TUBB3: variants seen among roughly 807,000 people sequenced by gnomAD.
The protein encoded by TUBB3 is tubulin beta-3 chain.
TUBB3 carries 17 observed loss-of-function variants against 37.8 expected under a neutral mutation model. The observed-to-expected ratio is 0.45, with a 90% CI of 0.31 to 0.67. The LOEUF (loss-of-function observed/expected upper bound fraction) is 0.67, where lower values mean the gene tolerates loss of function less well. Ranked by LOEUF, TUBB3 falls within the 30% of genes least tolerant of loss-of-function variation. The pLI, the probability that TUBB3 is intolerant of heterozygous loss-of-function variation, is 0.07. For missense variants in TUBB3, 262 were observed against 657.9 expected, an observed-to-expected ratio of 0.40 and a Z score of 6.58; for synonymous variants, 332 against 278.9, an observed-to-expected ratio of 1.19 and a Z score of -1.90.
intron 1 of TUBB3, among the ~76,000 whole-genome samples, chr16:89,928,415 G>A (rs1346038594): frequency 6.7e-6 from 1 of 149,068 alleles, no homozygotes; most frequent in Non-Finnish European, 1.5e-5. Flanking sequence ...CTGGAGTGCA[G>A]TGGAGTGATC....
Position 89,935,905 on chromosome 16 carries a change from C to G in TUBB3, c.*101C>G. On this transcript the variant is annotated 3_prime_UTR_variant, in exon 4 of 4. Coordinates refer to ENST00000315491, the MANE Select transcript of TUBB3 (RefSeq NM_006086.4). ...CTTGCTGCCGACACCCTGCTTTCCC[C>G]TCGCCCTAGGGCTCCCTTGCCGCCC... 1.4e-6 allele frequency: 2 copies of G among 1,446,908 alleles called. No homozygotes were observed. The highest frequency in any genetic ancestry group is 1.9e-6 in the Non-Finnish European group (2 of 1,074,450). 89.6% of individuals were successfully genotyped at this position (1,446,908 alleles called of 1,614,324 possible).
Position 89,934,281 on chromosome 16 carries a change from G to A in TUBB3, c.278-448G>A, listed in dbSNP as rs141719075. ...TGTCCTGGGGCGGGGCCGTGGACGC[G>A]CCACAGAAACAGGAGGGCCTCGCTT... On this transcript the variant is annotated intron_variant, in intron 3 of 3. Transcript: ENST00000315491. The A allele has an allele frequency of 6.9e-4, 322 of 467,802 alleles. 2 individuals are homozygous for A. Among genetic ancestry groups the A allele is most frequent in the Middle Eastern group, 1.6e-3 (3 of 1,862 alleles). 29.0% of individuals were successfully genotyped at this position (467,802 alleles called of 1,614,324 possible).
chr16:89,928,093 C>T (rs1597420631), intron 1 of TUBB3, among the ~76,000 whole-genome samples: 1 of 152,100 alleles, frequency 6.6e-6, no homozygotes. Context: ...GAGACAGGCT[C>T]TTACTCTGTC....
At chr16:89,923,127 C>T (rs1597417722), upstream of TUBB3, among the ~76,000 whole-genome samples, 1 of 152,038 alleles carries the variant, frequency 6.6e-6, no homozygotes, top group African/African-American at 2.4e-5. Context: ...TTCGAATGCG[C>T]GGGGCCCTCA....
chr16:89,926,957 T>C lies in TUBB3; in HGVS notation c.57+3499T>C, dbSNP rs530380936. 1.3e-4 allele frequency among the ~76,000 whole-genome samples: 19 copies of C among 150,316 alleles called. No homozygotes were observed. In the South Asian group the frequency reaches 3.2e-3, roughly 25 times the overall value. On this transcript the variant is annotated intron_variant, in intron 1 of 3. Coordinates refer to ENST00000315491, the MANE Select transcript of TUBB3 (RefSeq NM_006086.4). ...GTCTCAAACTCCTGACCTCAGGTGA[T>C]TCACCTGCCTCAGCCTCCCAAAGTG...
chr16:89,928,807 C>T lies in TUBB3; in HGVS notation c.58-3764C>T, dbSNP rs557612045. 6.6e-4 allele frequency among the ~76,000 whole-genome samples: 100 copies of T among 151,870 alleles called. 5 individuals are homozygous for T. The South Asian group carries it at 0.02, about 30-fold the overall frequency. On this transcript the variant is annotated intron_variant, in intron 1 of 3. Coordinates refer to ENST00000315491, the MANE Select transcript of TUBB3 (RefSeq NM_006086.4). Reference sequence around the variant, plus strand: ...CCAAAGTGCTAGGACCACAGACAGGCGTGAGCCACTGCGTCTGGCCTAATT... The same window carrying T: ...CCAAAGTGCTAGGACCACAGACAGGTGTGAGCCACTGCGTCTGGCCTAATT...
chr16:89,934,487 C>A, intron 3 of TUBB3: 1 of 634,750 alleles, frequency 1.6e-6, no homozygotes, highest in Non-Finnish European at 2.9e-6. Flanking sequence ...GGCAGAGCCT[C>A]GCTCTGCTGT....
At chr16:89,934,628 T>C (rs1031665504) in intron 3 of TUBB3, 101 bp from the exon 4 acceptor site, 2 of 1,171,734 alleles carry the variant, frequency 1.7e-6, no homozygotes, top group Admixed American at 2.0e-5. Flanking sequence ...AGAACAGGCA[T>C]GGGGCTGCCA....
intron 1 of TUBB3, 34 bp downstream of exon 1, chr16:89,923,492 CG>C: frequency 4.2e-6 from 6 of 1,411,886 alleles, no homozygotes; most frequent in East Asian, 3.2e-5. Flanking sequence ...TCCCGGGCCC[CG>C]GGGCGGGAGG....
rs750839965 is a variant in TUBB3, at chr16:89,935,063, C to T, written c.612C>T (p.Asn204=). Residue 204 remains asparagine (N), a synonymous_variant, in exon 4 of 4, where the codon AAC becomes AAT. Coordinates refer to ENST00000315491, the MANE Select transcript of TUBB3 (RefSeq NM_006086.4). ...CGGATGAGACCTACTGCATCGACAA[C>T]GAGGCGCTCTACGACATCTGCTTCC... ...ENTDETYCID[N]EALYDICFRT... The T allele has an allele frequency of 3.1e-6, 5 of 1,614,208 alleles. No individual in the cohort carries two copies. Among genetic ancestry groups the T allele is most frequent in the South Asian group, 2.2e-5 (2 of 91,092 alleles).
rs963109878 is a variant in TUBB3 at position 89,926,557 on chromosome 16, C to G, written c.57+3099C>G. On this transcript the variant is annotated intron_variant, in intron 1 of 3. Transcript: ENST00000315491. ...AGCGCCTGGCCTCGAACGCCGGGTT[C>G]TGCTTTGTGTTTCCAGGTTTTTGTT... Among the ~76,000 whole-genome samples the G allele has an allele frequency of 2.0e-5, 3 of 152,356 alleles. No homozygotes were observed. In the East Asian group the frequency reaches 5.8e-4, roughly 29 times the overall value.
intron 1 of TUBB3, among the ~76,000 whole-genome samples, chr16:89,928,961 C>CT (rs35314343): frequency 0.11 from 14,367 of 135,892 alleles, 952 homozygotes; most frequent in Middle Eastern, 0.25. Flanking sequence ...CGCGCCCGGC[C>CT]TTTTTTTTTT....
intron 3 of TUBB3, 174 bp from the exon 4 acceptor site, chr16:89,934,555 G>A (rs1051737924): frequency 1.7e-5 from 12 of 686,284 alleles, no homozygotes; most frequent in Admixed American, 6.9e-5. Flanking sequence ...CAGCAGCATC[G>A]GCTCAGGGAA....
Position 89,923,413 on chromosome 16 carries a change from C to T in TUBB3, c.12C>T (p.Ile4=), listed in dbSNP as rs2029957078. ...CAGACGCGCCCAGTATGAGGGAGAT[C>T]GTGCACATCCAGGCCGGCCAGTGCG... MRE[I]VHIQAGQCGN... Residue 4 remains isoleucine (I), a synonymous_variant, in exon 1 of 4, where the codon ATC becomes ATT. Transcript: ENST00000315491. The T allele has an allele frequency of 2.0e-6, 3 of 1,510,650 alleles. No homozygotes were observed. Among genetic ancestry groups the T allele is most frequent in the African/African-American group, 1.5e-5 (1 of 68,812 alleles). The allele number at this position is 1,510,650 out of a possible 1,614,324, so 93.6% of individuals were successfully genotyped here.
At chr16:89,931,251 C>T (rs1430365775) in intron 1 of TUBB3, among the ~76,000 whole-genome samples, 1 of 152,246 alleles carries the variant, frequency 6.6e-6, no homozygotes, top group East Asian at 1.9e-4. Context: ...AGCCACTGTG[C>T]CCGGCCCCAC....
chr16:89,934,780 C>T lies in TUBB3; in HGVS notation c.329C>T (p.Ala110Val), dbSNP rs1186388176. 2.5e-6 allele frequency: 4 copies of T among 1,613,958 alleles called. No homozygotes were observed. Among genetic ancestry groups the T allele is most frequent in the East Asian group, 2.2e-5 (1 of 44,888 alleles). ...GCCAAGGGTCACTACACGGAGGGGG[C>T]GGAGCTGGTGGATTCGGTCCTGGAT... ...NWAKGHYTEGAELVDSVLDVV... is the reference protein window; with the variant it reads ...NWAKGHYTEGVELVDSVLDVV... Residue 110 changes from alanine (A) to valine (V), a missense_variant, in exon 4 of 4, where the codon GCG becomes GTG. By Grantham distance (64) the Ala-to-Val change is moderately conservative. Transcript: ENST00000315491.
At chr16:89,929,541 T>A (rs1321418833) in intron 1 of TUBB3, among the ~76,000 whole-genome samples, 1 of 152,192 alleles carries the variant, frequency 6.6e-6, no homozygotes, top group Non-Finnish European at 1.5e-5. Flanking sequence ...TTTTAACAAA[T>A]TTTCTTTGAA....
intron 1 of TUBB3, among the ~76,000 whole-genome samples, chr16:89,923,676 G>A (rs2029967309): frequency 6.6e-6 from 1 of 152,174 alleles, no homozygotes; most frequent in Non-Finnish European, 1.5e-5. Flanking sequence ...CTGTCGAGGC[G>A]CAGCTCACGT....
In TUBB3 at chr16:89,935,009, G is replaced by A. The variant is rs558112305; in HGVS notation, c.558G>A (p.Thr186=). 2.2e-5 allele frequency: 35 copies of A among 1,614,158 alleles called. No individual in the cohort carries two copies. The Admixed American group carries it at 2.3e-4, about 11-fold the overall frequency. ...CGGTGGTGGAGCCCTACAACGCCAC[G>A]CTGTCCATCCACCAGCTGGTGGAGA... ...SDTVVEPYNA[T]LSIHQLVENT... Residue 186 remains threonine, a synonymous_variant, in exon 4 of 4, where the codon ACG becomes ACA. Coordinates refer to ENST00000315491, the MANE Select transcript of TUBB3 (RefSeq NM_006086.4).
Sources: gnomAD v4.1 joint callset for allele counts (sites outside exome capture counted in the v4.1 genomes callset) on GRCh38, gnomAD v4.1.1 for gene constraint, MANE v1.5 for transcripts, NCBI Gene and HGNC (gene_info 2026-07-23, HGNC 2026-07-21) for gene names.